ZNF407: variants seen among roughly 807,000 people sequenced by gnomAD.
ZNF407 encodes the protein zinc finger protein 407.
ZNF407 carries 17 observed loss-of-function variants against 131.2 expected under a neutral mutation model. That is an observed-to-expected ratio of 0.13 (90% CI 0.09 to 0.19). ZNF407 has a LOEUF of 0.19. Ranked by LOEUF, ZNF407 falls within the 10% of genes least tolerant of loss-of-function variation. ZNF407 has a pLI of 1.00. For missense variants in ZNF407, 2,681 were observed against 2,830.6 expected, an observed-to-expected ratio of 0.95 and a Z score of 1.20; for synonymous variants, 1,156 against 1,062.0, an observed-to-expected ratio of 1.09 and a Z score of -1.72.
chr18:74,600,051 AATG>A (rs1376021850), intron 1 of ZNF407, among the ~76,000 whole-genome samples: 1 of 152,222 alleles, frequency 6.6e-6, no homozygotes, highest in Non-Finnish European at 1.5e-5. Flanking sequence ...ACTAGAGTAA[AATG>A]ATGAACAAGA....
intron 4 of ZNF407, among the ~76,000 whole-genome samples, chr18:74,854,682 A>T (rs186932183): frequency 2.6e-4 from 40 of 152,046 alleles, no homozygotes; most frequent in African/African-American, 8.5e-4. Flanking sequence ...TTTCATACAT[A>T]CAACAATATA....
At chr18:74,746,857 T>C (rs1046246670) in intron 3 of ZNF407, among the ~76,000 whole-genome samples, 3 of 152,204 alleles carry the variant, frequency 2.0e-5, no homozygotes, top group African/African-American at 7.2e-5. Flanking sequence ...ATAGTAAATT[T>C]ATAAGCCGGT....
intron 8 of ZNF407, among the ~76,000 whole-genome samples, chr18:75,038,996 A>G (rs1011245848): frequency 2.6e-5 from 4 of 152,220 alleles, no homozygotes; most frequent in Non-Finnish European, 5.9e-5. Flanking sequence ...GACGGATCTG[A>G]ATATGAAGAT....
intron 8 of ZNF407, among the ~76,000 whole-genome samples, chr18:74,976,629 A>T (rs904020523): frequency 6.6e-6 from 1 of 152,232 alleles, no homozygotes; most frequent in Non-Finnish European, 1.5e-5. Context: ...ACTACAAGGC[A>T]TCAGTTGTTG....
chr18:75,043,909 G>T (rs1017246265), intron 8 of ZNF407, among the ~76,000 whole-genome samples: 8 of 152,210 alleles, frequency 5.3e-5, no homozygotes, highest in Non-Finnish European at 1.0e-4. Context: ...GATAATCAAT[G>T]ATAGAGTTTT....
chr18:74,700,665 A>G (rs1177074493), intron 3 of ZNF407, among the ~76,000 whole-genome samples: 1 of 152,174 alleles, frequency 6.6e-6, no homozygotes, highest in Non-Finnish European at 1.5e-5. Context: ...GACAGAGGAG[A>G]CTTAGTCCCC....
chr18:75,055,337 TG>T, intron 8 of ZNF407, among the ~76,000 whole-genome samples: 1 of 152,276 alleles, frequency 6.6e-6, no homozygotes, highest in South Asian at 2.1e-4. Context: ...GGTACATGGT[TG>T]TGCACCACGA....
chr18:74,779,332 T>C (rs1282215928), intron 3 of ZNF407, among the ~76,000 whole-genome samples: 1 of 151,434 alleles, frequency 6.6e-6, no homozygotes, highest in Non-Finnish European at 1.5e-5. Flanking sequence ...GCCAGGATGG[T>C]CTCAATCTCC....
intron 7 of ZNF407, among the ~76,000 whole-genome samples, chr18:74,896,318 A>C (rs777175865): frequency 6.6e-6 from 1 of 152,200 alleles, no homozygotes; most frequent in Non-Finnish European, 1.5e-5. Context: ...ATTTACCTCA[A>C]GTCTATATGT....
intron 3 of ZNF407, among the ~76,000 whole-genome samples, chr18:74,643,131 TTAAAG>T (rs1984799723): frequency 6.6e-6 from 1 of 152,024 alleles, no homozygotes; most frequent in African/African-American, 2.4e-5. Context: ...AGGTTAAAAA[TTAAAG>T]TAAAAAACAT....
intron 8 of ZNF407, among the ~76,000 whole-genome samples, chr18:74,976,879 G>A (rs551222930): frequency 2.0e-5 from 3 of 150,402 alleles, no homozygotes; most frequent in South Asian, 2.1e-4. Flanking sequence ...ACTAAATCGA[G>A]AATTTTCCCC....
At chr18:74,608,931 A>G (rs1290632507) in intron 1 of ZNF407, among the ~76,000 whole-genome samples, 1 of 152,162 alleles carries the variant, frequency 6.6e-6, no homozygotes, top group Non-Finnish European at 1.5e-5. Context: ...TGTGAGGTTA[A>G]ACATTTTTTT....
At chr18:74,628,709 G>A (rs529867154) in intron 1 of ZNF407, among the ~76,000 whole-genome samples, 6 of 152,056 alleles carry the variant, frequency 3.9e-5, no homozygotes, top group Middle Eastern at 3.4e-3. Flanking sequence ...CTTCAGCTCC[G>A]GAGTTAGGAC....
At chr18:74,750,352 A>G (rs535743750) in intron 3 of ZNF407, among the ~76,000 whole-genome samples, 5 of 152,290 alleles carry the variant, frequency 3.3e-5, no homozygotes, top group African/African-American at 1.2e-4. Context: ...GTGGTGCAGT[A>G]TGTTCTTTTT....
chr18:75,049,382 TC>T (rs937619797), intron 8 of ZNF407, among the ~76,000 whole-genome samples: 160 of 152,240 alleles, frequency 1.1e-3, no homozygotes, highest in African/African-American at 3.8e-3. Flanking sequence ...TACTTATTTG[TC>T]CGGTTCCTGA....
In ZNF407 at chr18:74,829,001, G is replaced by C. The variant is rs190827263; in HGVS notation, c.4877+47499G>C. 2.0e-5 allele frequency among the ~76,000 whole-genome samples: 3 copies of C among 152,292 alleles called. No homozygotes were observed. The East Asian group carries it at 5.8e-4, about 29-fold the overall frequency. The stretch of plus-strand genomic sequence containing the variant: ...AGACACAATAGAAAGGGCCCCACAT[G>C]TTATGTTGGTTAAACAGGGGGCCAG... On this transcript the variant is annotated intron_variant, in intron 4 of 8. Transcript: ENST00000299687.
chr18:74,873,982 T>C (rs909382375), intron 4 of ZNF407, among the ~76,000 whole-genome samples: 1 of 152,202 alleles, frequency 6.6e-6, no homozygotes, highest in Non-Finnish European at 1.5e-5. Flanking sequence ...TTTGAAACCT[T>C]TAAGATCTCT....
intron 1 of ZNF407, among the ~76,000 whole-genome samples, chr18:74,605,864 A>G (rs945989722): frequency 2.0e-5 from 3 of 152,226 alleles, no homozygotes; most frequent in African/African-American, 7.2e-5. Context: ...TGTGTGTGTT[A>G]GTGTTGGACT....
chr18:74,914,785 G>A (rs1014311047), intron 7 of ZNF407, among the ~76,000 whole-genome samples: 1 of 152,194 alleles, frequency 6.6e-6, no homozygotes, highest in African/African-American at 2.4e-5. Flanking sequence ...ATAAGAGGAA[G>A]AGGGTGGGGA....
Sources: allele counts gnomAD v4.1 joint callset (sites outside exome capture counted in the v4.1 genomes callset), GRCh38; gene constraint gnomAD v4.1.1; transcripts MANE v1.5; gene names NCBI Gene and HGNC (gene_info 2026-07-23, HGNC 2026-07-21).